Variants in GLRA2 observed in about 807,000 individuals in gnomAD.
The protein encoded by GLRA2 is glycine receptor alpha 2.
GLRA2 carries 11 observed loss-of-function variants against 31.6 expected under a neutral mutation model. The observed-to-expected ratio is 0.35, with a 90% CI of 0.22 to 0.58. The LOEUF (loss-of-function observed/expected upper bound fraction) is 0.58. Ranked by LOEUF, GLRA2 falls within the 20% of genes least tolerant of loss-of-function variation. The pLI is 0.84. For synonymous variants in GLRA2, 132 were observed against 134.0 expected (o/e 0.99, Z 0.10); for missense variants, 212 against 351.8 (o/e 0.60, Z 3.18).
intron 7 of GLRA2, among the ~76,000 whole-genome samples, chrX:14,678,355 G>T (rs2091165781): frequency 1.8e-5 from 2 of 112,279 alleles, no homozygotes; most frequent in Non-Finnish European, 3.8e-5. Context: ...AGAAGCAAAA[G>T]ACTAGGTGCC....
At chrX:14,704,828 AAC>A (rs2091597197) in intron 8 of GLRA2, among the ~76,000 whole-genome samples, 1 of 112,113 alleles carries the variant, frequency 8.9e-6, no homozygotes, top group South Asian at 3.7e-4. Context: ...AGATAAAAAA[AAC>A]TGCTTGAAAC....
the GLRA2 span, among the ~76,000 whole-genome samples, chrX:14,520,456 A>T: frequency 8.9e-6 from 1 of 112,567 alleles, no homozygotes; most frequent in African/African-American, 3.2e-5. Flanking sequence ...TGCATTTCTC[A>T]CATTAGCCAA....
intron 7 of GLRA2, among the ~76,000 whole-genome samples, chrX:14,685,653 G>A (rs56044760): frequency 4.0e-3 from 446 of 111,283 alleles, no homozygotes; most frequent in African/African-American, 4.7e-3. Context: ...CTGTGGGATC[G>A]GTGGTGATAT....
chrX:14,606,253 TACAA>T lies in GLRA2; in HGVS notation c.578-872_578-869del, dbSNP rs1043253122. Among the ~76,000 whole-genome samples, 3 of 109,540 alleles carry T rather than the reference TACAA, an allele frequency of 2.7e-5. No individual in the cohort carries two copies. In the South Asian group the frequency reaches 1.2e-3, roughly 43 times the overall value. On this transcript the variant is annotated intron_variant, in intron 5 of 8. Coordinates refer to ENST00000218075, the MANE Select transcript of GLRA2 (RefSeq NM_002063.4). ...ACTCTTATCTGAAAAGTTCAAATATTACAAACAAAGGGAAAAGGTAGAGAAATGG... is the reference window on the plus strand; with the variant it reads ...ACTCTTATCTGAAAAGTTCAAATATTACAAAGGGAAAAGGTAGAGAAATGG...
rs2089226651 is a variant in GLRA2 at position 14,529,554 on chromosome X, C to G, written c.-504C>G. 1 of 123,425 alleles carries G rather than the reference C, an allele frequency of 8.1e-6. No homozygotes were observed. Among genetic ancestry groups the G allele is most frequent in the African/African-American group, 3.3e-5 (1 of 30,456 alleles). 10.2% of individuals were successfully genotyped at this position (123,425 alleles called of 1,213,427 possible). ...CGTCTCCGTCTCATTCTATAGCCCT[C>G]ATTCCAGCACAGGATCTCAGCAATT... is the stretch of plus-strand genomic sequence containing the variant. On this transcript the variant is annotated 5_prime_UTR_variant, in exon 1 of 9. Coordinates refer to ENST00000218075, the MANE Select transcript of GLRA2 (RefSeq NM_002063.4).
chrX:14,451,368 T>A, the GLRA2 span, among the ~76,000 whole-genome samples: 3 of 110,766 alleles, frequency 2.7e-5, no homozygotes, highest in Non-Finnish European at 5.7e-5. Context: ...TGGTAGCTCA[T>A]GTCTGTAATC....
intron 7 of GLRA2, among the ~76,000 whole-genome samples, chrX:14,646,918 C>CA: frequency 8.9e-6 from 1 of 111,860 alleles, no homozygotes; most frequent in Non-Finnish European, 1.9e-5. Context: ...GTATGTGTCC[C>CA]AGGACCTTGT....
chrX:14,623,988 T>A (rs1462356903), intron 7 of GLRA2, among the ~76,000 whole-genome samples: 1 of 111,480 alleles, frequency 9.0e-6, no homozygotes, highest in African/African-American at 3.3e-5. Flanking sequence ...CTGGACTTTT[T>A]TTGGTTAGTA....
At chrX:14,615,391 A>G (rs1490305908) in intron 7 of GLRA2, among the ~76,000 whole-genome samples, 2 of 112,207 alleles carry the variant, frequency 1.8e-5, no homozygotes, top group African/African-American at 6.5e-5. Context: ...CAAAGATAAA[A>G]CACAGCCCCT....
intron 7 of GLRA2, among the ~76,000 whole-genome samples, chrX:14,626,744 G>T (rs2090592965): frequency 8.9e-6 from 1 of 111,895 alleles, no homozygotes; most frequent in African/African-American, 3.2e-5. Flanking sequence ...CAATAAAATG[G>T]TTAAAAAGAT....
At chrX:14,557,256 C>T (rs1447874090) in intron 2 of GLRA2, among the ~76,000 whole-genome samples, 1 of 107,019 alleles carries the variant, frequency 9.3e-6, no homozygotes, top group Non-Finnish European at 1.9e-5. Flanking sequence ...GCTGGGACTA[C>T]AGGCGCCCAC....
the GLRA2 span, among the ~76,000 whole-genome samples, chrX:14,466,902 C>G: frequency 8.9e-6 from 1 of 111,932 alleles, no homozygotes; most frequent in African/African-American, 3.2e-5. Context: ...GCTGTGCATG[C>G]TAATGCCTCA....
At chrX:14,597,117 C>T (rs1569505866) in intron 4 of GLRA2, among the ~76,000 whole-genome samples, 1 of 111,880 alleles carries the variant, frequency 8.9e-6, no homozygotes, top group African/African-American at 3.3e-5. Context: ...TTGATGCATC[C>T]TGTCAAATCT....
the GLRA2 span, among the ~76,000 whole-genome samples, chrX:14,505,811 C>A: frequency 1.8e-5 from 2 of 111,403 alleles, no homozygotes; most frequent in African/African-American, 6.5e-5. Flanking sequence ...GCTGGGAGAC[C>A]TATAACCCTG....
intron 2 of GLRA2, among the ~76,000 whole-genome samples, chrX:14,548,801 A>T (rs915266380): frequency 1.8e-5 from 2 of 111,744 alleles, no homozygotes; most frequent in Non-Finnish European, 3.8e-5. Flanking sequence ...ATTGCCAGGG[A>T]GTTCTGACTG....
At chrX:14,562,886 T>A (rs1209251463) in intron 2 of GLRA2, among the ~76,000 whole-genome samples, 2 of 111,740 alleles carry the variant, frequency 1.8e-5, no homozygotes, top group African/African-American at 6.5e-5. Flanking sequence ...GGGACACAAT[T>A]CAGCCTATGA....
chrX:14,725,549 G>T (rs183596449), intron 8 of GLRA2, among the ~76,000 whole-genome samples: 3 of 111,756 alleles, frequency 2.7e-5, no homozygotes, highest in East Asian at 5.6e-4. Flanking sequence ...AGATTTTTAG[G>T]AGTCCTTTTA....
At chrX:14,676,256 C>T (rs2091144984) in intron 7 of GLRA2, among the ~76,000 whole-genome samples, 1 of 112,595 alleles carries the variant, frequency 8.9e-6, no homozygotes, top group Non-Finnish European at 1.9e-5. Context: ...GGCACAAGTG[C>T]AATTTTGTTA....
At chrX:14,465,835 A>G in the GLRA2 span, among the ~76,000 whole-genome samples, 1 of 111,721 alleles carries the variant, frequency 9.0e-6, no homozygotes, top group Admixed American at 9.5e-5. Flanking sequence ...TTAGGTTAAT[A>G]CTTTGGAGAC....
Sources: allele counts gnomAD v4.1 joint callset (sites outside exome capture counted in the v4.1 genomes callset), GRCh38; gene constraint gnomAD v4.1.1; transcripts MANE v1.5; gene names NCBI Gene and HGNC (gene_info 2026-07-23, HGNC 2026-07-21).